Variants in CDC42BPA observed in about 807,000 individuals in gnomAD.
CDC42BPA encodes the protein serine/threonine-protein kinase MRCK alpha.
CDC42BPA carries 80 observed loss-of-function variants against 223.5 expected under a neutral mutation model. That is an observed-to-expected ratio of 0.36 (90% CI 0.30 to 0.43). The LOEUF (loss-of-function observed/expected upper bound fraction) is 0.43, where lower values mean the gene tolerates loss of function less well. CDC42BPA is among the 20% of genes least tolerant of loss of function. CDC42BPA has a pLI of 1.00. For synonymous variants in CDC42BPA, 694 were observed against 718.6 expected (o/e 0.97, Z 0.55); for missense variants, 1,743 against 2,099.9 (o/e 0.83, Z 3.32).
chr1:227,110,265 A>T (rs960917139), intron 14 of CDC42BPA, among the ~76,000 whole-genome samples: 3 of 152,192 alleles, frequency 2.0e-5, no homozygotes, highest in African/African-American at 7.2e-5. Context: ...TGAAGTGAAG[A>T]TTCCTACAAT....
rs762571826 is a variant in CDC42BPA, at chr1:227,030,484, G to A, written c.3776-14C>T. ...TTCTTTCATGATCTATGTAAGACAT[G>A]AATGTGAAAGATTTTTATTAGGAAA... is the stretch of plus-strand genomic sequence containing the variant. On this transcript the variant is annotated splice_polypyrimidine_tract_variant and intron_variant, in intron 28 of 36. Coordinates refer to ENST00000366766, the MANE Select transcript of CDC42BPA (RefSeq NM_001394014.1). 10 of 1,514,990 alleles carry A rather than the reference G, an allele frequency of 6.6e-6. No homozygotes were observed. The South Asian group carries it at 1.1e-4, about 17-fold the overall frequency. The allele number at this position is 1,514,990 out of a possible 1,614,324, so 93.8% of individuals were successfully genotyped here. A position where few individuals can be genotyped will look rare whatever the true frequency, so the allele number is the denominator to read the frequency against.
intron 15 of CDC42BPA, among the ~76,000 whole-genome samples, chr1:227,096,086 T>C (rs1267728987): frequency 1.3e-5 from 2 of 152,188 alleles, no homozygotes; most frequent in African/African-American, 4.8e-5. Context: ...CTTAAAAATC[T>C]CCTACATAAC....
At position 227,318,360 on chromosome 1, in the gene CDC42BPA, C is replaced by G. The variant is rs1233220484; in HGVS notation, c.-1178G>C. Reference sequence around the variant, plus strand: ...GAGGCTGCGGCAGCCCGGCTCCCAACCACTCCCTTCCTCTCCCTTCCAGCC... The same window carrying G: ...GAGGCTGCGGCAGCCCGGCTCCCAAGCACTCCCTTCCTCTCCCTTCCAGCC... On this transcript the variant is annotated 5_prime_UTR_variant, in exon 1 of 37. Coordinates refer to ENST00000366766, the MANE Select transcript of CDC42BPA (RefSeq NM_001394014.1). The G allele has an allele frequency of 6.6e-6, 1 of 151,962 alleles. No individual in the cohort carries two copies. The highest frequency in any genetic ancestry group is 2.4e-5 in the African/African-American group (1 of 41,308). The allele number at this position is 151,962 out of a possible 1,614,324, so 9.4% of individuals were successfully genotyped here.
Position 227,016,086 on chromosome 1 carries a change from C to T in CDC42BPA, c.4851G>A (p.Leu1617=), listed in dbSNP as rs746331798. ...CACTCTTAATTCCTCTTACCATGGG[C>T]AGATCTTTCAGGATCTGTATTCCAT... ...PGDGIQILKD[L]PMNPRPQESR... The change falls in exon 34 of 37, where the codon CTG becomes CTA. Residue 1617 remains leucine (L), a synonymous_variant. Coordinates refer to ENST00000366766, the MANE Select transcript of CDC42BPA (RefSeq NM_001394014.1). 6.4e-7 allele frequency: 1 copy of T among 1,557,980 alleles called. No individual in the cohort carries two copies. The highest frequency in any genetic ancestry group is 1.1e-5 in the South Asian group (1 of 89,828).
In CDC42BPA at chr1:227,026,182, G is replaced by A. The variant is rs771832547; in HGVS notation, c.4433-30C>T. 2.3e-5 allele frequency: 29 copies of A among 1,262,948 alleles called. No individual in the cohort carries two copies. In the Admixed American group the frequency reaches 2.4e-4, roughly 10 times the overall value. 78.2% of individuals were successfully genotyped at this position (1,262,948 alleles called of 1,614,324 possible). On this transcript the variant is annotated intron_variant, in intron 30 of 36. Coordinates refer to ENST00000366766, the MANE Select transcript of CDC42BPA (RefSeq NM_001394014.1). The stretch of plus-strand genomic sequence containing the variant: ...GAGAAGGGAAGGGGGGGCAGCTTGC[G>A]GATTACTTTTAACTATTAAACCCCA...
At chr1:227,270,361 T>C (rs879742900) in intron 1 of CDC42BPA, among the ~76,000 whole-genome samples, 7 of 152,088 alleles carry the variant, frequency 4.6e-5, no homozygotes, top group Non-Finnish European at 1.0e-4. Context: ...AAATAAGGAA[T>C]AGGAAAGACG....
intron 3 of CDC42BPA, among the ~76,000 whole-genome samples, chr1:227,203,672 C>T (rs1170600832): frequency 2.0e-5 from 3 of 152,280 alleles, no homozygotes; most frequent in South Asian, 4.1e-4. Flanking sequence ...ATCACTTCCT[C>T]GGATTCACTC....
chr1:227,222,284 G>A (rs1026278108), intron 2 of CDC42BPA, among the ~76,000 whole-genome samples: 2 of 151,776 alleles, frequency 1.3e-5, no homozygotes, highest in Non-Finnish European at 2.9e-5. Context: ...CAAGGAAGGC[G>A]GATCACTTAA....
intron 3 of CDC42BPA, among the ~76,000 whole-genome samples, chr1:227,211,208 AC>A (rs1673830444): frequency 6.6e-6 from 1 of 152,212 alleles, no homozygotes; most frequent in Admixed American, 6.5e-5. Flanking sequence ...TCCCAGTGAT[AC>A]ATGTGACATT....
At chr1:227,067,583 C>A (rs1677357000) in intron 21 of CDC42BPA, among the ~76,000 whole-genome samples, 1 of 152,102 alleles carries the variant, frequency 6.6e-6, no homozygotes, top group African/African-American at 2.4e-5. Context: ...GGAGAGTTCT[C>A]TTTTTATCAC....
At chr1:227,135,855 C>CAAAAAAAAAAAAAAA (rs1175091904) in intron 10 of CDC42BPA, among the ~76,000 whole-genome samples, 2 of 6,576 alleles carry the variant, frequency 3.0e-4, no homozygotes, top group Non-Finnish European at 6.8e-4. Context: ...CTCTGTCTCC[C>CAAAAAAAAAAAAAAA]AAAAAAAAAA....
chr1:226,994,488 C>A lies in CDC42BPA; in HGVS notation c.5134-89G>T. Reference sequence around the variant, plus strand: ...AGATTACCACCGCCCCCTCCAGCCACCCTGACCAAATAACCCCATGGGGCG... The same window carrying A: ...AGATTACCACCGCCCCCTCCAGCCAACCTGACCAAATAACCCCATGGGGCG... On this transcript the variant is annotated intron_variant, in intron 36 of 36. Coordinates refer to ENST00000366766, the MANE Select transcript of CDC42BPA (RefSeq NM_001394014.1). This position sits in a 1 kb window ranked among gnomAD's most constrained non-coding sequence, Gnocchi z 4.0. The A allele has an allele frequency of 2.8e-6, 4 of 1,410,574 alleles. No homozygotes were observed. Among genetic ancestry groups the A allele is most frequent in the Middle Eastern group, 2.0e-4 (1 of 5,068 alleles). The allele number at this position is 1,410,574 out of a possible 1,614,324, so 87.4% of individuals were successfully genotyped here.
At chr1:227,170,970 G>A (rs1666002163) in intron 5 of CDC42BPA, among the ~76,000 whole-genome samples, 2 of 152,312 alleles carry the variant, frequency 1.3e-5, no homozygotes, top group South Asian at 4.1e-4. Flanking sequence ...GGAAGAAGCA[G>A]CAAAATAACA....
At chr1:227,122,756 G>A (rs1205938517) in intron 11 of CDC42BPA, among the ~76,000 whole-genome samples, 1 of 152,192 alleles carries the variant, frequency 6.6e-6, no homozygotes, top group Non-Finnish European at 1.5e-5. Flanking sequence ...CACAGCACTT[G>A]TAATTTGGAA....
intron 15 of CDC42BPA, among the ~76,000 whole-genome samples, chr1:227,096,891 A>C (rs2149278631): frequency 6.6e-6 from 1 of 152,248 alleles, no homozygotes; most frequent in Non-Finnish European, 1.5e-5. Flanking sequence ...CTGACCTGAC[A>C]TCTCCACAAA....
Position 227,026,113 on chromosome 1 carries a change from G to A in CDC42BPA, c.4472C>T (p.Ala1491Val), listed in dbSNP as rs55687355. The A allele has an allele frequency of 1.1e-4, 181 of 1,606,824 alleles. No individual in the cohort carries two copies. Among genetic ancestry groups the A allele is most frequent in the Non-Finnish European group, 1.5e-4 (175 of 1,175,590 alleles). ...APYLSVYSEN[A>V]VDIFDVNSME... ...GGAGTTCACATCAAAGATATCAACT[G>A]CATTTTCACTGTACACCGAGAGATA... is the stretch of plus-strand genomic sequence containing the variant. Residue 1491 changes from alanine to valine, a missense_variant, in exon 31 of 37, where the codon GCA (alanine) becomes GTA (valine). Transcript: ENST00000366766.
At chr1:227,305,913 C>T (rs534330162) in intron 1 of CDC42BPA, among the ~76,000 whole-genome samples, 2 of 152,238 alleles carry the variant, frequency 1.3e-5, no homozygotes, top group East Asian at 3.9e-4. Context: ...CTGCAGTGAG[C>T]CAAGATCGTG....
intron 32 of CDC42BPA, among the ~76,000 whole-genome samples, chr1:227,018,863 C>A (rs918766763): frequency 3.3e-5 from 5 of 152,134 alleles, no homozygotes; most frequent in African/African-American, 9.7e-5. Flanking sequence ...TGCTTTATTG[C>A]CAAAAATGCT....
In CDC42BPA at chr1:227,129,666, C is replaced by CAAAAAAAAAAAAAAAAAAAAAA. The variant is rs569879499; in HGVS notation, c.1391-457_1391-436dup. Among the ~76,000 whole-genome samples the CAAAAAAAAAAAAAAAAAAAAAA allele has an allele frequency of 3.2e-4, 11 of 33,918 alleles. 1 individual carries two copies. The highest frequency in any genetic ancestry group is 5.3e-4 in the Admixed American group (1 of 1,888). 22.3% of individuals were successfully genotyped at this position (33,918 alleles called of 152,430 possible). On this transcript the variant is annotated intron_variant, in intron 10 of 36. Coordinates refer to ENST00000366766, the MANE Select transcript of CDC42BPA (RefSeq NM_001394014.1). ...TGGGAGACAAAGTGAGACTGTATCTCAAAAAAAAAAAAAAAAAAAAAAAAA... is the reference window on the plus strand; with the variant it reads ...TGGGAGACAAAGTGAGACTGTATCTCAAAAAAAAAAAAAAAAAAAAAAAAAAAAAAAAAAAAAAAAAAAAAAA...
Sources: gnomAD v4.1 joint callset for allele counts (sites outside exome capture counted in the v4.1 genomes callset) on GRCh38, gnomAD v4.1.1 for gene constraint, Gnocchi (gnomAD v3.1) non-coding constraint, MANE v1.5 for transcripts, NCBI Gene and HGNC (gene_info 2026-07-23, HGNC 2026-07-21) for gene names.